Variants in RIMS3 observed in about 807,000 individuals in gnomAD.
RIMS3 encodes regulating synaptic membrane exocytosis 3.
In RIMS3, 15 loss-of-function variants were observed where a neutral mutation model predicts 29.2. That is an observed-to-expected ratio of 0.51 (90% CI 0.34 to 0.79). RIMS3 has a LOEUF of 0.79. Ranked by LOEUF, RIMS3 falls within the 30% of genes least tolerant of loss-of-function variation. The pLI is 0.01. For synonymous variants in RIMS3, 161 were observed against 170.1 expected, an observed-to-expected ratio of 0.95 and a Z score of 0.41; for missense variants, 342 against 421.4, an observed-to-expected ratio of 0.81 and a Z score of 1.65.
chr1:40,626,471 C>G lies in RIMS3; in HGVS notation c.*46G>C, dbSNP rs975894658. ...TGTACAGGGGAGGACATGGGGCCAG[C>G]AGGCACCCCTCCCCACACCACCATC... On this transcript the variant is annotated 3_prime_UTR_variant, in exon 8 of 8. Coordinates refer to ENST00000372684, the MANE Select transcript of RIMS3 (RefSeq NM_014747.3). 3 of 1,512,928 alleles carry G rather than the reference C, an allele frequency of 2.0e-6. No homozygotes were observed. The highest frequency in any genetic ancestry group is 2.4e-5 in the East Asian group (1 of 41,544). 93.7% of individuals were successfully genotyped at this position (1,512,928 alleles called of 1,614,324 possible).
the RIMS3 span, chr1:40,691,532 A>C: frequency 1.3e-5 from 4 of 299,878 alleles, no homozygotes; most frequent in Non-Finnish European, 2.6e-5. Context: ...CAAAACTCAG[A>C]TCTCGAGCTC....
At chr1:40,686,923 C>A in the RIMS3 span, among the ~76,000 whole-genome samples, 3 of 151,110 alleles carry the variant, frequency 2.0e-5, no homozygotes, top group Non-Finnish European at 4.4e-5. Flanking sequence ...TAGTTTTGAT[C>A]ATGTCACTAT....
intron 7 of RIMS3, 28 bp from the exon 8 acceptor site, chr1:40,626,757 G>A: frequency 6.3e-7 from 1 of 1,593,944 alleles, no homozygotes; most frequent in South Asian, 1.1e-5. Flanking sequence ...GGGAGGGAGT[G>A]AGCCACCTCC....
chr1:40,632,421 TATATATATATA>T (rs1646494865), intron 5 of RIMS3, among the ~76,000 whole-genome samples: 2 of 6,316 alleles, frequency 3.2e-4, no homozygotes, highest in African/African-American at 2.1e-3. Flanking sequence ...TATAAATTTA[TATATATATATA>T]TATATATATA....
chr1:40,626,323 C>A lies in RIMS3; in HGVS notation c.*194G>T. 1.6e-6 allele frequency: 1 copy of A among 634,418 alleles called. No homozygotes were observed. The highest frequency in any genetic ancestry group is 1.8e-5 in the South Asian group (1 of 55,278). The allele number at this position is 634,418 out of a possible 1,614,324, so 39.3% of individuals were successfully genotyped here. A position where few individuals can be genotyped will look rare whatever the true frequency, so the allele number is the denominator to read the frequency against. ...CAAATGAACAGATAGAACGTGGTCA[C>A]GTACACACACACACACACGCACGCA... On this transcript the variant is annotated 3_prime_UTR_variant, in exon 8 of 8. Transcript: ENST00000372684.
At chr1:40,680,330 G>GT in the RIMS3 span, among the ~76,000 whole-genome samples, 61,803 of 127,128 alleles carry the variant, frequency 0.49, 15,545 homozygotes, top group Non-Finnish European at 0.56. Context: ...AGAGTAAATA[G>GT]TTTTTTTTTT....
chr1:40,626,640 G>A lies in RIMS3; in HGVS notation c.804C>T (p.Ala268=), dbSNP rs747072019. Residue 268 remains alanine (A), a synonymous_variant, in exon 8 of 8, where the codon GCC becomes GCT. Coordinates refer to ENST00000372684, the MANE Select transcript of RIMS3 (RefSeq NM_014747.3). ...QIMLDELDLS[A]AVTGWYKLFP... ...AGAGTTTGTACCAGCCGGTGACCGC[G>A]GCGCTGAGGTCCAGCTCGTCCAGCA... 12 of 1,614,092 alleles carry A rather than the reference G, an allele frequency of 7.4e-6. No individual in the cohort carries two copies. Among genetic ancestry groups the A allele is most frequent in the East Asian group, 6.7e-5 (3 of 44,896 alleles).
the RIMS3 span, among the ~76,000 whole-genome samples, chr1:40,689,287 TCTTTC>T: frequency 2.0e-5 from 3 of 152,174 alleles, no homozygotes; most frequent in East Asian, 3.9e-4. Flanking sequence ...GCCATTTCTT[TCTTTC>T]TTTTTTTGAG....
Position 40,629,331 on chromosome 1 carries a change from C to T in RIMS3, c.514G>A (p.Glu172Lys). 1 of 1,614,208 alleles carries T rather than the reference C, an allele frequency of 6.2e-7. No homozygotes were observed. The highest frequency in any genetic ancestry group is 8.5e-7 in the Non-Finnish European group (1 of 1,180,030). ...CCCCGAGCTTCAATCACTTCCACCT[C>T]CAGCTGGCCACTCCGGTCCATGATG... ...IAIMDRSGQLEVEVIEARGLT... is the reference protein window; with the variant it reads ...IAIMDRSGQLKVEVIEARGLT... Residue 172 changes from glutamate to lysine, a missense_variant, in exon 6 of 8, where the codon GAG becomes AAG. Glu to Lys is a moderately conservative substitution (Grantham distance 56, BLOSUM62 1). Coordinates refer to ENST00000372684, the MANE Select transcript of RIMS3 (RefSeq NM_014747.3).
At chr1:40,642,711 T>C (rs1171930744) in intron 2 of RIMS3, among the ~76,000 whole-genome samples, 1 of 152,056 alleles carries the variant, frequency 6.6e-6, no homozygotes, top group Non-Finnish European at 1.5e-5. Flanking sequence ...ATCCTAGCAC[T>C]TTGGGAGGCC....
intron 7 of RIMS3, among the ~76,000 whole-genome samples, chr1:40,628,236 G>A (rs7553191): frequency 0.27 from 41,591 of 152,020 alleles, 6,268 homozygotes; most frequent in Middle Eastern, 0.35. Flanking sequence ...TTATCCCCAC[G>A]TGACCTCAGG....
chr1:40,649,509 T>C (rs963468313), intron 1 of RIMS3, among the ~76,000 whole-genome samples: 2 of 152,252 alleles, frequency 1.3e-5, no homozygotes, highest in African/African-American at 4.8e-5. Context: ...CATCTTACCC[T>C]GAGCCGTGGG....
At chr1:40,683,276 A>G in the RIMS3 span, among the ~76,000 whole-genome samples, 3 of 152,216 alleles carry the variant, frequency 2.0e-5, no homozygotes, top group Non-Finnish European at 4.4e-5. Flanking sequence ...CCAAAACTCA[A>G]GTTGAAATTT....
At position 40,633,142 on chromosome 1, in the gene RIMS3, C is replaced by T; in HGVS notation, c.399G>A (p.Gln133=). 1 of 1,614,192 alleles carries T rather than the reference C, an allele frequency of 6.2e-7. No individual in the cohort carries two copies. The highest frequency in any genetic ancestry group is 8.5e-7 in the Non-Finnish European group (1 of 1,179,990). ...FPTTRLGAES[Q]FSDFLDGLGP... ...CCAGCCCATCCAGGAAATCGCTGAA[C>T]TGGCTTTCAGCCCCTAGCCGGGTAG... The change falls in exon 5 of 8, where the codon CAG becomes CAA. Residue 133 remains glutamine (Q), a synonymous_variant. Coordinates refer to ENST00000372684, the MANE Select transcript of RIMS3 (RefSeq NM_014747.3).
intron 4 of RIMS3, 29 bp from the exon 5 acceptor site, chr1:40,633,210 G>A (rs779738709): frequency 1.4e-5 from 22 of 1,565,040 alleles, no homozygotes; most frequent in Non-Finnish European, 1.8e-5. Flanking sequence ...GGACGCGTGA[G>A]GGGGTCAGGG....
chr1:40,649,104 G>A (rs925087256), intron 1 of RIMS3, among the ~76,000 whole-genome samples: 10 of 152,324 alleles, frequency 6.6e-5, no homozygotes, highest in Non-Finnish European at 1.3e-4. Context: ...CCCAGCCAGC[G>A]TGGGCAGCAC....
intron 2 of RIMS3, among the ~76,000 whole-genome samples, chr1:40,644,021 C>A (rs1325581999): frequency 2.7e-5 from 4 of 148,474 alleles, no homozygotes; most frequent in Non-Finnish European, 6.0e-5. Flanking sequence ...CTTACTTGTC[C>A]AAGGGGGGGA....
chr1:40,643,540 G>A (rs1405243914), intron 2 of RIMS3, among the ~76,000 whole-genome samples: 31 of 145,666 alleles, frequency 2.1e-4, no homozygotes, highest in East Asian at 4.0e-4. Context: ...GCAGTGGCAC[G>A]ATCTCGACTC....
chr1:40,666,273 G>A, upstream of RIMS3, among the ~76,000 whole-genome samples: 1 of 152,122 alleles, frequency 6.6e-6, no homozygotes, highest in East Asian at 1.9e-4. Context: ...TAAACTTGGG[G>A]CGATTTTGCC....
Sources: gnomAD v4.1 joint callset for allele counts (sites outside exome capture counted in the v4.1 genomes callset) on GRCh38, gnomAD v4.1.1 for gene constraint, MANE v1.5 for transcripts, NCBI Gene and HGNC (gene_info 2026-07-23, HGNC 2026-07-21) for gene names.